SLTM: variants seen among roughly 807,000 people sequenced by gnomAD.
SLTM encodes SAFB-like transcription modulator.
In SLTM, 43 loss-of-function variants were observed where a neutral mutation model predicts 134.6. The ratio of observed to expected loss-of-function variants is 0.32; its 90% CI spans 0.25 to 0.41. The LOEUF (loss-of-function observed/expected upper bound fraction) is 0.41, where lower values mean the gene tolerates loss of function less well. Ranked by LOEUF, SLTM falls within the 10% of genes least tolerant of loss-of-function variation. The pLI, the probability that SLTM is intolerant of heterozygous loss-of-function variation, is 1.00. For synonymous variants in SLTM, 424 were observed against 432.3 expected, an observed-to-expected ratio of 0.98 and a Z score of 0.24; for missense variants, 1,055 against 1,288.8, an observed-to-expected ratio of 0.82 and a Z score of 2.78.
chr15:58,900,692 C>G (rs1158641116), intron 6 of SLTM: 1 of 153,168 alleles, frequency 6.5e-6, no homozygotes, highest in African/African-American at 2.4e-5. Flanking sequence ...AAAGTAGGAT[C>G]CTTTGACTTC....
At chr15:58,914,544 CTT>C (rs1325476064) in intron 3 of SLTM, among the ~76,000 whole-genome samples, 12 of 152,104 alleles carry the variant, frequency 7.9e-5, no homozygotes, top group Non-Finnish European at 1.3e-4. Flanking sequence ...CAGGGGATCT[CTT>C]GTTTGACCAA....
At chr15:58,915,315 G>GACAGT (rs571220986) in intron 3 of SLTM, among the ~76,000 whole-genome samples, 2 of 152,184 alleles carry the variant, frequency 1.3e-5, no homozygotes, top group Non-Finnish European at 2.9e-5. Context: ...ACATATAAGA[G>GACAGT]ACAGTACTAT....
At position 58,922,788 on chromosome 15, in the gene SLTM, C is replaced by A. The variant is rs146535809; in HGVS notation, c.251-5789G>T. On this transcript the variant is annotated intron_variant, in intron 2 of 20. Transcript: ENST00000380516. Reference sequence around the variant, plus strand: ...AGTGCAGTGGTGTGATCTTGGCTCACTGCCACCTCCATCTTGTGGGTTCGA... The same window carrying A: ...AGTGCAGTGGTGTGATCTTGGCTCAATGCCACCTCCATCTTGTGGGTTCGA... Among the ~76,000 whole-genome samples, 823 of 151,462 alleles carry A rather than the reference C, an allele frequency of 5.4e-3. 6 individuals carry two copies. The highest frequency in any genetic ancestry group is 0.019 in the African/African-American group (789 of 41,264).
At chr15:58,918,649 G>C (rs1408341158) in intron 2 of SLTM, among the ~76,000 whole-genome samples, 10 of 152,250 alleles carry the variant, frequency 6.6e-5, no homozygotes, top group East Asian at 1.9e-4. Context: ...GTTGACGTTT[G>C]CATTTTGGGG....
intron 20 of SLTM, among the ~76,000 whole-genome samples, chr15:58,881,282 G>A (rs28709922): frequency 0.2 from 30,099 of 152,048 alleles, 3,349 homozygotes; most frequent in South Asian, 0.44. Context: ...CCAGCACTTC[G>A]GGAGGCTGAA....
In SLTM at chr15:58,887,429, A is replaced by G; in HGVS notation, c.2487T>C (p.Asn829=). Residue 829 remains asparagine, a synonymous_variant, in exon 18 of 21, where the codon AAT becomes AAC. Transcript: ENST00000380516. ...YPKNFSDSRR[N]EPPPPRNELR... ...GTTCATTTCTTGGTGGTGGAGGCTC[A>G]TTTCTTCTGGAGTCACTGAAATTTT... 9 of 1,613,812 alleles carry G rather than the reference A, an allele frequency of 5.6e-6. No individual in the cohort carries two copies. The highest frequency in any genetic ancestry group is 7.6e-6 in the Non-Finnish European group (9 of 1,179,976).
At chr15:58,890,113 AT>A (rs1363249436) in intron 15 of SLTM, 167 bp downstream of exon 15, 3 of 702,572 alleles carry the variant, frequency 4.3e-6, no homozygotes, top group Non-Finnish European at 7.1e-6. Flanking sequence ...TACTAATTCT[AT>A]TTTTAACTAG....
intron 14 of SLTM, 105 bp downstream of exon 14, chr15:58,892,792 C>T: frequency 8.3e-7 from 1 of 1,198,730 alleles, no homozygotes; most frequent in Non-Finnish European, 1.2e-6. Flanking sequence ...TTTAAGGTGG[C>T]AAACAGTTTT....
At chr15:58,889,640 G>C in intron 15 of SLTM, 86 bp from the exon 16 acceptor site, 1 of 1,531,934 alleles carries the variant, frequency 6.5e-7, no homozygotes, top group Non-Finnish European at 8.8e-7. Context: ...TAATCCTGTT[G>C]CTAAGAAACC....
Position 58,879,958 on chromosome 15 carries a change from T to C in SLTM, c.*41A>G. On this transcript the variant is annotated 3_prime_UTR_variant, in exon 21 of 21. Coordinates refer to ENST00000380516, the MANE Select transcript of SLTM (RefSeq NM_024755.4). ...GTAGTCAAGTAAAGTTTACAGGAGATTTCAATAAATTATCTTAAAACCTTG... is the reference window on the plus strand; with the variant it reads ...GTAGTCAAGTAAAGTTTACAGGAGACTTCAATAAATTATCTTAAAACCTTG... 6.2e-7 allele frequency: 1 copy of C among 1,602,066 alleles called. No individual in the cohort carries two copies. The highest frequency in any genetic ancestry group is 8.5e-7 in the Non-Finnish European group (1 of 1,172,942).
chr15:58,921,619 G>T, intron 2 of SLTM: 1 of 434,614 alleles, frequency 2.3e-6, no homozygotes, highest in Middle Eastern at 3.4e-4. Context: ...GTCAAACAGT[G>T]ATGAAACTGG....
intron 20 of SLTM, among the ~76,000 whole-genome samples, chr15:58,882,982 A>T (rs544609224): frequency 6.6e-6 from 1 of 152,364 alleles, no homozygotes; most frequent in South Asian, 2.1e-4. Flanking sequence ...GAGGAATGCT[A>T]GGTAGAGAAC....
chr15:58,904,649 G>A (rs143154943), intron 5 of SLTM, among the ~76,000 whole-genome samples: 2 of 151,274 alleles, frequency 1.3e-5, no homozygotes, highest in Non-Finnish European at 2.9e-5. Flanking sequence ...CGGGTTCCAG[G>A]GATTCTCATG....
At position 58,899,997 on chromosome 15, in the gene SLTM, C is replaced by CTAGCTTATGAATATGAA; in HGVS notation, c.590-61_590-60insTTCATATTCATAAGCTA. On this transcript the variant is annotated intron_variant, in intron 6 of 20. Coordinates refer to ENST00000380516, the MANE Select transcript of SLTM (RefSeq NM_024755.4). The surrounding 1 kb of genome is among the most constrained non-coding windows in gnomAD (Gnocchi z 5.0). Reference sequence around the variant, plus strand: ...CAAGAAGTTTAAACAATTTCATATTCATAAGCTAGAATAGGACCTAGAAAA... The same window carrying CTAGCTTATGAATATGAA: ...CAAGAAGTTTAAACAATTTCATATTCTAGCTTATGAATATGAAATAAGCTAGAATAGGACCTAGAAAA... The CTAGCTTATGAATATGAA allele has an allele frequency of 1.5e-6, 2 of 1,342,998 alleles. No individual in the cohort carries two copies. The highest frequency in any genetic ancestry group is 2.0e-6 in the Non-Finnish European group (2 of 975,614). 83.2% of individuals were successfully genotyped at this position (1,342,998 alleles called of 1,614,324 possible).
intron 5 of SLTM, among the ~76,000 whole-genome samples, chr15:58,911,570 C>A (rs1211908019): frequency 6.6e-6 from 1 of 152,014 alleles, no homozygotes; most frequent in African/African-American, 2.4e-5. Flanking sequence ...ACCACCAAAC[C>A]CTCTCTGGTT....
chr15:58,888,588 T>C, intron 16 of SLTM, 33 bp from the exon 17 acceptor site: 1 of 1,608,954 alleles, frequency 6.2e-7, no homozygotes, highest in Non-Finnish European at 8.5e-7. Context: ...TTTACATAAA[T>C]TAGTTCTACA....
intron 2 of SLTM, among the ~76,000 whole-genome samples, chr15:58,924,166 G>A (rs2037301594): frequency 6.6e-6 from 1 of 152,120 alleles, no homozygotes; most frequent in South Asian, 2.1e-4. Context: ...AAATTGGGCA[G>A]TAAACATAAT....
In SLTM at chr15:58,933,470, G is replaced by A; in HGVS notation, c.96C>T (p.Ser32=). 1.3e-6 allele frequency: 2 copies of A among 1,597,964 alleles called. No homozygotes were observed. Among genetic ancestry groups the A allele is most frequent in the Non-Finnish European group, 8.5e-7 (1 of 1,172,952 alleles). ...TGTCTAAGTTCCGCCGCTTCAGCTC[G>A]GACTTCAGATCGATGACCCGCAGAT... ...ITDLRVIDLK[S]ELKRRNLDIT... The change falls in exon 1 of 21, where the codon TCC becomes TCT. Residue 32 remains serine (S), a synonymous_variant. Coordinates refer to ENST00000380516, the MANE Select transcript of SLTM (RefSeq NM_024755.4).
Position 58,880,125 on chromosome 15 carries a change from GA to G in SLTM, c.2997-19del. 2 of 1,605,540 alleles carry G rather than the reference GA, an allele frequency of 1.2e-6. No individual in the cohort carries two copies. The highest frequency in any genetic ancestry group is 1.1e-5 in the South Asian group (1 of 89,674). ...ATGCGTTACTGAAAAAGGTTTAAAA[GA>G]AAAAAACATCAGAGAACAAAGAACA... is the stretch of plus-strand genomic sequence containing the variant. On this transcript the variant is annotated intron_variant, in intron 20 of 20. Coordinates refer to ENST00000380516, the MANE Select transcript of SLTM (RefSeq NM_024755.4).
Sources: allele counts gnomAD v4.1 joint callset (sites outside exome capture counted in the v4.1 genomes callset), GRCh38; gene constraint gnomAD v4.1.1; non-coding constraint Gnocchi (gnomAD v3.1); transcripts MANE v1.5; gene names NCBI Gene and HGNC (gene_info 2026-07-23, HGNC 2026-07-21).